Variants in CEP128 observed in about 807,000 individuals in gnomAD.
CEP128 encodes the protein centrosomal protein 128kDa.
In CEP128, 132 loss-of-function variants were observed where a neutral mutation model predicts 156.7. The observed-to-expected ratio is 0.84, with a 90% CI of 0.73 to 0.97. CEP128 has a LOEUF of 0.97. CEP128 is among the 50% of genes least tolerant of loss of function. CEP128 has a pLI of 0.00. For missense variants in CEP128, 1,252 were observed against 1,281.9 expected (o/e 0.98, Z 0.36); for synonymous variants, 469 against 448.9 (o/e 1.04, Z -0.57).
At chr14:80,590,227 TAA>T (rs1173920989) in intron 19 of CEP128, among the ~76,000 whole-genome samples, 2 of 152,240 alleles carry the variant, frequency 1.3e-5, no homozygotes, top group East Asian at 1.9e-4. Flanking sequence ...CAAATTTTCA[TAA>T]GAGACGTAAC....
chr14:80,569,999 T>C (rs1293148310), intron 20 of CEP128, among the ~76,000 whole-genome samples: 1 of 152,220 alleles, frequency 6.6e-6, no homozygotes, highest in Non-Finnish European at 1.5e-5. Flanking sequence ...AAAGGGACAC[T>C]GGTATGTGTT....
At chr14:80,593,618 G>C (rs955061175) in intron 19 of CEP128, among the ~76,000 whole-genome samples, 2 of 150,148 alleles carry the variant, frequency 1.3e-5, no homozygotes, top group Admixed American at 6.6e-5. Context: ...AGCAACTTCA[G>C]CAAAGTCTCA....
chr14:80,957,497 A>G (rs548701619), intron 2 of CEP128, among the ~76,000 whole-genome samples: 63 of 152,318 alleles, frequency 4.1e-4, no homozygotes, highest in Non-Finnish European at 8.8e-5. Context: ...GAATAAATAA[A>G]CAAATGAATA....
intron 9 of CEP128, among the ~76,000 whole-genome samples, chr14:80,860,675 T>C (rs1887471316): frequency 6.6e-6 from 1 of 151,992 alleles, no homozygotes; most frequent in African/African-American, 2.4e-5. Context: ...CAACATATCC[T>C]CTTCAAAGTA....
At chr14:80,613,626 T>C (rs1355988696) in intron 19 of CEP128, among the ~76,000 whole-genome samples, 1 of 152,066 alleles carries the variant, frequency 6.6e-6, no homozygotes, top group Non-Finnish European at 1.5e-5. Flanking sequence ...ATTTTTAAAA[T>C]GTAAAATTAT....
chr14:80,647,791 T>C (rs1301708405), intron 19 of CEP128, among the ~76,000 whole-genome samples: 5 of 152,132 alleles, frequency 3.3e-5, no homozygotes, highest in Non-Finnish European at 5.9e-5. Context: ...TGAAAAACTG[T>C]GTTAAAGGAC....
At chr14:80,928,583 A>G (rs942463785) in intron 2 of CEP128, among the ~76,000 whole-genome samples, 3 of 152,170 alleles carry the variant, frequency 2.0e-5, no homozygotes, top group Non-Finnish European at 2.9e-5. Flanking sequence ...AAGTAACCCA[A>G]TCAGACAAAA....
At chr14:80,646,170 C>G (rs1894623532) in intron 19 of CEP128, among the ~76,000 whole-genome samples, 1 of 152,010 alleles carries the variant, frequency 6.6e-6, no homozygotes, top group Non-Finnish European at 1.5e-5. Context: ...CGTAAAACGC[C>G]AAGAATGAAC....
chr14:80,914,221 T>A (rs910603703), intron 4 of CEP128, 101 bp downstream of exon 4: 1 of 800,776 alleles, frequency 1.2e-6, no homozygotes, highest in African/African-American at 1.7e-5. Flanking sequence ...TCTAAAGCAC[T>A]TCACAATGGT....
At chr14:80,540,380 A>G (rs903971801) in intron 21 of CEP128, among the ~76,000 whole-genome samples, 1 of 152,140 alleles carries the variant, frequency 6.6e-6, no homozygotes, top group Non-Finnish European at 1.5e-5. Flanking sequence ...CCTACTTTGA[A>G]ATAATGGGAA....
At chr14:80,841,533 C>T (rs992189486) in intron 9 of CEP128, among the ~76,000 whole-genome samples, 1 of 151,918 alleles carries the variant, frequency 6.6e-6, no homozygotes, top group African/African-American at 2.4e-5. Context: ...TATTATCATG[C>T]TTTTATAGTG....
chr14:80,949,961 T>C lies in CEP128; in HGVS notation c.-172+8217A>G, dbSNP rs1594879696. ...AGTTTTGTTCCCCAAAAAGATATCT[T>C]GAAATTCTAATGCCCAGTATCTGTG... On this transcript the variant is annotated intron_variant, in intron 2 of 7. Coordinates refer to the CEP128 transcript ENST00000555529. 2.0e-5 allele frequency among the ~76,000 whole-genome samples: 3 copies of C among 152,284 alleles called. No homozygotes were observed. The Middle Eastern group carries it at 0.01, about 518-fold the overall frequency.
chr14:80,916,491 T>C lies in CEP128; in HGVS notation c.57A>G (p.Pro19=), dbSNP rs150469831. The part of the protein sequence containing the change: ...DHFRCRDRLS[P]WAARSTHRGT... ...CCCTGTGCGTTGATCTGGCAGCCCA[T>C]GGACTCAATCGGTCACGACAGCGGA... is the stretch of plus-strand genomic sequence containing the variant. The change falls in exon 3 of 25, where the codon CCA becomes CCG. Residue 19 remains proline (P), a synonymous_variant. Transcript: ENST00000555265. The C allele has an allele frequency of 6.2e-7, 1 of 1,613,932 alleles. No individual in the cohort carries two copies. The highest frequency in any genetic ancestry group is 8.5e-7 in the Non-Finnish European group (1 of 1,179,920).
chr14:80,530,719 C>G lies in CEP128; in HGVS notation c.2958+90G>C, dbSNP rs1889184892. ...TCCCAATGTTTTTTGGTCCTTCTTC[C>G]TTTTCTATACTTTTCTTTGCACATC... is the stretch of plus-strand genomic sequence containing the variant. On this transcript the variant is annotated intron_variant, in intron 22 of 24. Coordinates refer to ENST00000555265, the MANE Select transcript of CEP128 (RefSeq NM_152446.5). 3 of 862,228 alleles carry G rather than the reference C, an allele frequency of 3.5e-6. No homozygotes were observed. In the South Asian group the frequency reaches 7.1e-5, roughly 20 times the overall value. The allele number at this position is 862,228 out of a possible 1,614,324, so 53.4% of individuals were successfully genotyped here.
chr14:80,672,756 T>C (rs1354322218), intron 19 of CEP128, among the ~76,000 whole-genome samples: 1 of 152,176 alleles, frequency 6.6e-6, no homozygotes, highest in Non-Finnish European at 1.5e-5. Context: ...CTGTGCTTTC[T>C]AAATAACAAA....
rs369910607 is a variant in CEP128 at position 80,900,981 on chromosome 14, C to A, written c.481-952G>T. Among the ~76,000 whole-genome samples the A allele has an allele frequency of 6.3e-4, 95 of 151,710 alleles. 1 individual carries two copies. The East Asian group carries it at 0.012, about 19-fold the overall frequency. On this transcript the variant is annotated intron_variant, in intron 6 of 24. Coordinates refer to ENST00000555265, the MANE Select transcript of CEP128 (RefSeq NM_152446.5). Reference sequence around the variant, plus strand: ...CAGCACTTTGGGAGGCCGAGGCGGGCGGATCACGAGGTCAGGAGATCGAGA... The same window carrying A: ...CAGCACTTTGGGAGGCCGAGGCGGGAGGATCACGAGGTCAGGAGATCGAGA...
chr14:80,901,984 A>C (rs1241261361), intron 6 of CEP128, among the ~76,000 whole-genome samples: 1 of 152,100 alleles, frequency 6.6e-6, no homozygotes, highest in Non-Finnish European at 1.5e-5. Context: ...TAAATTGCTC[A>C]TAGGGGCTAT....
Position 80,639,499 on chromosome 14 carries a change from T to C in CEP128, c.2807-59076A>G, listed in dbSNP as rs537360541. Among the ~76,000 whole-genome samples the C allele has an allele frequency of 9.2e-5, 14 of 152,302 alleles. No homozygotes were observed. The East Asian group carries it at 2.7e-3, about 29-fold the overall frequency. The stretch of plus-strand genomic sequence containing the variant: ...ATGTGTGCCTGAAGTAAACTCATTG[T>C]CTTTACTATAATTAAAAGACAATAA... On this transcript the variant is annotated intron_variant, in intron 19 of 24. Coordinates refer to ENST00000555265, the MANE Select transcript of CEP128 (RefSeq NM_152446.5).
intron 19 of CEP128, among the ~76,000 whole-genome samples, chr14:80,666,183 T>C (rs2140911736): frequency 6.6e-6 from 1 of 152,282 alleles, no homozygotes; most frequent in Admixed American, 6.5e-5. Flanking sequence ...GGAATCCTTT[T>C]AAATAAAACA....
Sources: allele counts gnomAD v4.1 joint callset (sites outside exome capture counted in the v4.1 genomes callset), GRCh38; gene constraint gnomAD v4.1.1; transcripts MANE v1.5; gene names NCBI Gene and HGNC (gene_info 2026-07-23, HGNC 2026-07-21).